The following FARP1 variants were observed in gnomAD, a reference collection of about 807,000 sequenced individuals.
FARP1 encodes FERM, ARH/RhoGEF and pleckstrin domain protein 1, also known as FERM, ARHGEF and pleckstrin domain-containing protein 1.
In FARP1, 52 loss-of-function variants were observed where a neutral mutation model predicts 128.8. That is an observed-to-expected ratio of 0.40 (90% CI 0.32 to 0.51). The LOEUF (loss-of-function observed/expected upper bound fraction) is 0.51, where lower values mean the gene tolerates loss of function less well. Ranked by LOEUF, FARP1 falls within the 20% of genes least tolerant of loss-of-function variation. FARP1 has a pLI of 0.45. For synonymous variants in FARP1, 580 were observed against 551.8 expected (o/e 1.05, Z -0.72); for missense variants, 1,333 against 1,367.9 (o/e 0.97, Z 0.40).
intron 8 of FARP1, chr13:98,386,105 C>CA (rs2140041631): frequency 3.3e-6 from 1 of 306,800 alleles, no homozygotes; most frequent in Admixed American, 4.8e-5. Context: ...ACTTAGAACA[C>CA]AGTCTAATGG....
intron 24 of FARP1, among the ~76,000 whole-genome samples, chr13:98,442,710 G>T (rs754460249): frequency 6.6e-6 from 1 of 152,360 alleles, no homozygotes; most frequent in South Asian, 2.1e-4. Flanking sequence ...CCCCCGAAGC[G>T]GAGGAGCAGG....
chr13:98,237,161 G>A lies in FARP1; in HGVS notation c.171+23748G>A, dbSNP rs189477609. Among the ~76,000 whole-genome samples the A allele has an allele frequency of 1.1e-3, 161 of 151,790 alleles. 1 individual carries two copies. The highest frequency in any genetic ancestry group is 5.8e-4 in the East Asian group (3 of 5,148). ...CTCTACTAAAAATACAAAATTTGCC[G>A]GGCATGGTGGTGGGTGCCTATAATC... On this transcript the variant is annotated intron_variant, in intron 2 of 26. Transcript: ENST00000319562.
intron 3 of FARP1, among the ~76,000 whole-genome samples, chr13:98,361,295 T>C (rs1177019487): frequency 6.6e-6 from 1 of 152,186 alleles, no homozygotes; most frequent in Non-Finnish European, 1.5e-5. Context: ...GCGGAGCTGC[T>C]GAACACACTG....
At position 98,424,576 on chromosome 13, in the gene FARP1, G is replaced by A. The variant is rs767988593; in HGVS notation, c.1831G>A (p.Gly611Ser). ...EIEQRLALWEGRSNAQIRDYQ... is the reference protein window; with the variant it reads ...EIEQRLALWESRSNAQIRDYQ... ...ACCCTTTGCTTTTGCTCTCAGGGAA[G>A]GCCGCTCAAATGCCCAAATCAGAGA... The change falls in exon 17 of 27, where the codon GGC becomes AGC. Residue 611 changes from glycine (G) to serine (S), a missense_variant. Coordinates refer to ENST00000319562, the MANE Select transcript of FARP1 (RefSeq NM_005766.4). The A allele has an allele frequency of 3.0e-5, 49 of 1,611,738 alleles. No homozygotes were observed. The Admixed American group carries it at 8.0e-4, about 26-fold the overall frequency.
At chr13:98,442,409 C>T (rs375236542) in intron 24 of FARP1, among the ~76,000 whole-genome samples, 1 of 152,316 alleles carries the variant, frequency 6.6e-6, no homozygotes, top group Non-Finnish European at 1.5e-5. Context: ...GTTTCTAAGC[C>T]CAGGCCTGCT....
intron 2 of FARP1, among the ~76,000 whole-genome samples, chr13:98,282,389 A>G (rs1198024305): frequency 6.6e-6 from 1 of 152,214 alleles, no homozygotes; most frequent in African/African-American, 2.4e-5. Flanking sequence ...TTGGAAAGAG[A>G]TAGAGCAAAG....
intron 17 of FARP1, among the ~76,000 whole-genome samples, chr13:98,427,753 T>A (rs1891842855): frequency 6.6e-6 from 1 of 152,178 alleles, no homozygotes; most frequent in South Asian, 2.1e-4. Flanking sequence ...CTGGCATTTC[T>A]GCATTCAGCC....
intron 3 of FARP1, among the ~76,000 whole-genome samples, chr13:98,363,595 C>G (rs1297450300): frequency 1.3e-5 from 2 of 152,130 alleles, no homozygotes. Flanking sequence ...CGCCTGGTAA[C>G]AGGCAACTCC....
At chr13:98,359,377 C>A (rs1449629081) in intron 3 of FARP1, among the ~76,000 whole-genome samples, 1 of 152,180 alleles carries the variant, frequency 6.6e-6, no homozygotes, top group Non-Finnish European at 1.5e-5. Flanking sequence ...TTTAATAAGA[C>A]CCTTTCCAAA....
At chr13:98,148,353 G>C (rs1875728980) in intron 1 of FARP1, among the ~76,000 whole-genome samples, 2 of 152,150 alleles carry the variant, frequency 1.3e-5, no homozygotes, top group South Asian at 4.2e-4. Flanking sequence ...ACTCCAGCCT[G>C]GGCAACAAAA....
At chr13:98,407,859 G>A (rs575421334) in intron 13 of FARP1, among the ~76,000 whole-genome samples, 216 of 152,262 alleles carry the variant, frequency 1.4e-3, no homozygotes, top group Non-Finnish European at 2.8e-3. Context: ...CAAATTCACC[G>A]CCCTTACTTC....
chr13:98,418,995 A>C (rs1891490848), intron 16 of FARP1, among the ~76,000 whole-genome samples: 1 of 152,226 alleles, frequency 6.6e-6, no homozygotes, highest in Non-Finnish European at 1.5e-5. Flanking sequence ...AGGGTGGCTG[A>C]GAATGGGAGG....
At chr13:98,265,413 G>A (rs1417326457) in intron 2 of FARP1, among the ~76,000 whole-genome samples, 13 of 142,242 alleles carry the variant, frequency 9.1e-5, no homozygotes, top group African/African-American at 2.4e-4. Flanking sequence ...TCCGCCTCCC[G>A]GGTTCACGCC....
At chr13:98,206,812 C>G (rs1442741955) in intron 1 of FARP1, among the ~76,000 whole-genome samples, 1 of 152,080 alleles carries the variant, frequency 6.6e-6, no homozygotes. Context: ...GTTTTGCAAG[C>G]AGCTTTTAAC....
intron 1 of FARP1, among the ~76,000 whole-genome samples, chr13:98,162,457 C>T (rs559295757): frequency 2.6e-5 from 4 of 152,260 alleles, no homozygotes; most frequent in Admixed American, 2.6e-4. Context: ...GGGGCATGGC[C>T]TGTAGTAGGT....
At chr13:98,317,141 T>C (rs1886755349) in intron 2 of FARP1, among the ~76,000 whole-genome samples, 2 of 152,168 alleles carry the variant, frequency 1.3e-5, no homozygotes, top group African/African-American at 4.8e-5. Context: ...GCCAAGAAGA[T>C]GGGTTATTAG....
At chr13:98,415,339 A>G (rs1354719669) in intron 16 of FARP1, among the ~76,000 whole-genome samples, 1 of 152,228 alleles carries the variant, frequency 6.6e-6, no homozygotes, top group Non-Finnish European at 1.5e-5. Context: ...AGTGCCTCTG[A>G]CAGTGCTAAC....
At chr13:98,253,301 G>T (rs1005599894) in intron 2 of FARP1, among the ~76,000 whole-genome samples, 1 of 152,206 alleles carries the variant, frequency 6.6e-6, no homozygotes, top group African/African-American at 2.4e-5. Flanking sequence ...AGAAGATGAC[G>T]CCAGTGATTG....
At chr13:98,364,743 G>C (rs1199239356) in intron 3 of FARP1, among the ~76,000 whole-genome samples, 1 of 152,204 alleles carries the variant, frequency 6.6e-6, no homozygotes, top group Non-Finnish European at 1.5e-5. Context: ...TCGCTATCCA[G>C]ACTGTGTGCC....
Sources: allele counts gnomAD v4.1 joint callset (sites outside exome capture counted in the v4.1 genomes callset), GRCh38; gene constraint gnomAD v4.1.1; transcripts MANE v1.5; gene names NCBI Gene and HGNC (gene_info 2026-07-23, HGNC 2026-07-21).